ANO2: variants seen among roughly 807,000 people sequenced by gnomAD.
The protein encoded by ANO2 is anoctamin 2, also known as anoctamin-2.
Under a neutral mutation model 124.2 loss-of-function variants are expected in ANO2, and 101 were observed. The observed-to-expected ratio is 0.81, with a 90% CI of 0.69 to 0.96. ANO2 has a LOEUF of 0.96. Among genes scored for constraint, ANO2 ranks in the 40% least tolerant of loss-of-function variants. ANO2 has a pLI of 0.00. For synonymous variants in ANO2, 486 were observed against 482.5 expected, an observed-to-expected ratio of 1.01 and a Z score of -0.09; for missense variants, 1,293 against 1,274.5, an observed-to-expected ratio of 1.01 and a Z score of -0.22.
chr12:5,633,779 C>A (rs1945858230), intron 16 of ANO2, among the ~76,000 whole-genome samples: 1 of 152,184 alleles, frequency 6.6e-6, no homozygotes, highest in Non-Finnish European at 1.5e-5. Context: ...AAGACTCTCC[C>A]AACCACCCAA....
At chr12:5,661,101 C>T (rs1254110439) in intron 14 of ANO2, among the ~76,000 whole-genome samples, 2 of 152,178 alleles carry the variant, frequency 1.3e-5, no homozygotes, top group Admixed American at 6.5e-5. Flanking sequence ...ATGATCTGAT[C>T]TACCCTCCTG....
At chr12:5,699,556 A>G (rs1949321559) in intron 14 of ANO2, among the ~76,000 whole-genome samples, 1 of 152,174 alleles carries the variant, frequency 6.6e-6, no homozygotes, top group African/African-American at 2.4e-5. Context: ...ATAACCAGCT[A>G]ACATCATAAT....
intron 14 of ANO2, among the ~76,000 whole-genome samples, chr12:5,677,932 T>C (rs1176278119): frequency 6.6e-6 from 1 of 152,122 alleles, no homozygotes; most frequent in Non-Finnish European, 1.5e-5. Flanking sequence ...GAGTGGCATT[T>C]CAATGAATGG....
Position 5,807,385 on chromosome 12 carries a change from G to A in ANO2, c.893-17C>T. The A allele has an allele frequency of 6.5e-7, 1 of 1,550,352 alleles. No homozygotes were observed. The highest frequency in any genetic ancestry group is 8.7e-7 in the Non-Finnish European group (1 of 1,146,470). On this transcript the variant is annotated splice_polypyrimidine_tract_variant and intron_variant, in intron 7 of 24. Transcript: ENST00000682330. Reference sequence around the variant, plus strand: ...AGTTAATACCTACGGAAGAAAGGGAGATGAAAATAGTAACTCTGGGGCAAG... The same window carrying A: ...AGTTAATACCTACGGAAGAAAGGGAAATGAAAATAGTAACTCTGGGGCAAG...
At chr12:5,617,948 G>A (rs1944913208) in intron 16 of ANO2, among the ~76,000 whole-genome samples, 1 of 152,214 alleles carries the variant, frequency 6.6e-6, no homozygotes, top group Admixed American at 6.5e-5. Context: ...TTCTCCCTAA[G>A]GCGAGGATTT....
At chr12:5,633,776 TC>T (rs1945858061) in intron 16 of ANO2, among the ~76,000 whole-genome samples, 1 of 152,134 alleles carries the variant, frequency 6.6e-6, no homozygotes, top group African/African-American at 2.4e-5. Context: ...ACCAAGACTC[TC>T]CCAACCACCC....
At position 5,658,008 on chromosome 12, in the gene ANO2, T is replaced by C. The variant is rs10774353; in HGVS notation, c.1546-10207A>G. Among the ~76,000 whole-genome samples, 90,024 of 152,028 alleles carry C rather than the reference T, an allele frequency of 0.59. 28,134 individuals are homozygous for C. The highest frequency in any genetic ancestry group is 0.96 in the East Asian group (4,958 of 5,176). ...GGTTCAAGGCCAGCAATCTGTGAAA[T>C]GGGACCATAAAGTTACATTTGAGAA... On this transcript the variant is annotated intron_variant, in intron 14 of 24. Transcript: ENST00000682330. The surrounding 1 kb of genome is among the most constrained non-coding windows in gnomAD (Gnocchi z 4.3).
intron 3 of ANO2, among the ~76,000 whole-genome samples, chr12:5,883,881 T>A (rs902673631): frequency 2.0e-5 from 3 of 152,224 alleles, no homozygotes; most frequent in African/African-American, 7.2e-5. Context: ...ATTGATTGAT[T>A]GAGCCATGTG....
chr12:5,606,797 C>T (rs1038598226), intron 19 of ANO2, among the ~76,000 whole-genome samples: 6 of 152,028 alleles, frequency 3.9e-5, no homozygotes, highest in East Asian at 1.9e-4. Flanking sequence ...TTTGTGCACA[C>T]GCACATACAG....
chr12:5,941,474 C>T (rs543661175), intron 1 of ANO2, among the ~76,000 whole-genome samples: 4 of 150,554 alleles, frequency 2.7e-5, no homozygotes, highest in South Asian at 2.1e-4. Context: ...ACTAGTAGGG[C>T]GATACCAAAC....
intron 14 of ANO2, among the ~76,000 whole-genome samples, chr12:5,688,589 G>A (rs1591910807): frequency 6.6e-6 from 1 of 152,164 alleles, no homozygotes; most frequent in Non-Finnish European, 1.5e-5. Flanking sequence ...ATAATGAGCT[G>A]AGACCCAAAA....
Position 5,827,688 on chromosome 12 carries a change from G to A in ANO2, c.892+81C>T, listed in dbSNP as rs934742723. ...TTTGCTTGTTTTGTTCTTTGCTGCCGACCAAGGGAGCTGTTGAAAGCACGG... is the reference window on the plus strand; with the variant it reads ...TTTGCTTGTTTTGTTCTTTGCTGCCAACCAAGGGAGCTGTTGAAAGCACGG... On this transcript the variant is annotated intron_variant, in intron 7 of 24. Transcript: ENST00000682330. 1.1e-5 allele frequency: 16 copies of A among 1,477,728 alleles called. No homozygotes were observed. The East Asian group carries it at 2.9e-4, about 27-fold the overall frequency. The allele number at this position is 1,477,728 out of a possible 1,614,324, so 91.5% of individuals were successfully genotyped here.
intron 4 of ANO2, among the ~76,000 whole-genome samples, chr12:5,849,495 C>T (rs1353663761): frequency 2.0e-5 from 3 of 152,278 alleles, no homozygotes. Flanking sequence ...CAAACCTTCT[C>T]AGGCTGCTCG....
intron 19 of ANO2, among the ~76,000 whole-genome samples, chr12:5,612,046 A>G (rs574893316): frequency 6.6e-6 from 1 of 152,224 alleles, no homozygotes; most frequent in Admixed American, 6.5e-5. Context: ...TTGACCTGTA[A>G]GCATATTTTA....
At chr12:5,685,719 A>G (rs779273295) in intron 14 of ANO2, among the ~76,000 whole-genome samples, 2 of 152,164 alleles carry the variant, frequency 1.3e-5, no homozygotes, top group African/African-American at 2.4e-5. Flanking sequence ...TGAGGCTGCA[A>G]TGAGCTGTGA....
chr12:5,920,155 G>A (rs1477146308), intron 3 of ANO2, among the ~76,000 whole-genome samples: 2 of 152,000 alleles, frequency 1.3e-5, no homozygotes, highest in Non-Finnish European at 2.9e-5. Flanking sequence ...GTGTATGAAT[G>A]GATTTCCATG....
intron 24 of ANO2, chr12:5,564,784 C>T (rs561154657): frequency 6.6e-6 from 1 of 152,356 alleles, no homozygotes; most frequent in South Asian, 2.1e-4. Context: ...GAATGGCTGT[C>T]TTCTTTAGGT....
intron 3 of ANO2, among the ~76,000 whole-genome samples, chr12:5,873,870 G>A (rs746099587): frequency 9.2e-5 from 14 of 152,216 alleles, no homozygotes; most frequent in Non-Finnish European, 1.6e-4. Context: ...CAGGGCTAGT[G>A]GCAGCCTCGC....
At chr12:5,852,848 C>CGT (rs71445682) in intron 4 of ANO2, among the ~76,000 whole-genome samples, 52,577 of 123,726 alleles carry the variant, frequency 0.42, 11,694 homozygotes, top group East Asian at 0.52. Flanking sequence ...TGGAAAGGGA[C>CGT]GTGTGTGTGT....
Sources: gnomAD v4.1 joint callset for allele counts (sites outside exome capture counted in the v4.1 genomes callset) on GRCh38, gnomAD v4.1.1 for gene constraint, Gnocchi (gnomAD v3.1) non-coding constraint, MANE v1.5 for transcripts, NCBI Gene and HGNC (gene_info 2026-07-23, HGNC 2026-07-21) for gene names.